Variants in ANK2 observed in about 807,000 individuals in gnomAD.
The protein encoded by ANK2 is ankyrin-2.
Under a neutral mutation model 360.5 loss-of-function variants are expected in ANK2, and 83 were observed. The ratio of observed to expected loss-of-function variants is 0.23; its 90% confidence interval spans 0.19 to 0.28. The LOEUF (loss-of-function observed/expected upper bound fraction) is 0.28. Among genes scored for constraint, ANK2 ranks in the 10% least tolerant of loss-of-function variants. ANK2 has a pLI of 1.00. For missense variants in ANK2, 4,201 were observed against 4,795.7 expected (o/e 0.88, Z 3.66); for synonymous variants, 1,740 against 1,759.5 (o/e 0.99, Z 0.28).
chr4:113,176,756 T>A (rs1562639047), intron 2 of ANK2, among the ~76,000 whole-genome samples: 2 of 152,212 alleles, frequency 1.3e-5, no homozygotes, highest in East Asian at 1.9e-4. Flanking sequence ...ATTAGGTGTA[T>A]CTCCTAACGC....
upstream of ANK2, among the ~76,000 whole-genome samples, chr4:113,048,266 A>G (rs1561688456): frequency 1.6e-4 from 13 of 82,772 alleles, no homozygotes; most frequent in African/African-American, 9.5e-4. Context: ...ATATATATAT[A>G]TATATATATA....
Position 113,154,432 on chromosome 4 carries a change from T to C in ANK2, c.85-19984T>C, listed in dbSNP as rs146801215. 6.7e-3 allele frequency among the ~76,000 whole-genome samples: 1,014 copies of C among 152,310 alleles called. 9 individuals are homozygous for C. The highest frequency in any genetic ancestry group is 0.011 in the Non-Finnish European group (772 of 68,022). ...GCAGTCAGCTTGAACAGCAAGATTG[T>C]TCTGAATGATCTGATCCTTCCTTGG... is the stretch of plus-strand genomic sequence containing the variant. On this transcript the variant is annotated intron_variant, in intron 1 of 45. Transcript: ENST00000357077.
At chr4:113,336,312 T>C in intron 30 of ANK2, 1 of 576,658 alleles carries the variant, frequency 1.7e-6, no homozygotes, top group South Asian at 2.5e-5. Flanking sequence ...AAAAAGAAAT[T>C]AGCTTTTAAA....
chr4:112,836,975 C>T (rs1362542919), intron 1 of ANK2, among the ~76,000 whole-genome samples: 1 of 152,176 alleles, frequency 6.6e-6, no homozygotes, highest in Non-Finnish European at 1.5e-5. Context: ...CATAAATTTG[C>T]ATAAGTAACA....
chr4:112,891,657 A>G (rs1474346517), intron 1 of ANK2, among the ~76,000 whole-genome samples: 1 of 152,210 alleles, frequency 6.6e-6, no homozygotes, highest in Admixed American at 6.5e-5. Context: ...ACTATGCCTC[A>G]GTTTCCCTGT....
intron 2 of ANK2, among the ~76,000 whole-genome samples, chr4:112,970,047 T>G (rs1020666469): frequency 7.9e-5 from 12 of 151,830 alleles, no homozygotes; most frequent in African/African-American, 2.9e-4. Flanking sequence ...GCGATGGTGC[T>G]ATCTCGGCTC....
At chr4:112,802,230 G>A in the ANK2 span, among the ~76,000 whole-genome samples, 3 of 152,094 alleles carry the variant, frequency 2.0e-5, no homozygotes, top group Admixed American at 2.0e-4. Flanking sequence ...AGGGAGATTG[G>A]AGGACACTGT....
chr4:113,063,214 A>C (rs565273869), intron 1 of ANK2, among the ~76,000 whole-genome samples: 24 of 152,196 alleles, frequency 1.6e-4, no homozygotes, highest in African/African-American at 5.8e-4. Flanking sequence ...GTTACCACCA[A>C]ATTTGTTATG....
At chr4:113,114,225 T>G (rs1323515859) in intron 1 of ANK2, among the ~76,000 whole-genome samples, 1 of 152,096 alleles carries the variant, frequency 6.6e-6, no homozygotes, top group Non-Finnish European at 1.5e-5. Flanking sequence ...CCCTGAACCT[T>G]GGCCCTCCTG....
intron 2 of ANK2, among the ~76,000 whole-genome samples, chr4:112,984,725 T>C (rs2044274893): frequency 6.6e-6 from 1 of 151,958 alleles, no homozygotes; most frequent in Admixed American, 6.6e-5. Context: ...TACCCAATCA[T>C]GAGAGGTTAT....
intron 4 of ANK2, among the ~76,000 whole-genome samples, chr4:113,230,530 T>C (rs939865451): frequency 6.6e-6 from 1 of 151,862 alleles, no homozygotes; most frequent in African/African-American, 2.4e-5. Flanking sequence ...AAAAAAAATG[T>C]TTTCTCCTCT....
At chr4:113,133,535 C>T (rs909137923) in intron 1 of ANK2, among the ~76,000 whole-genome samples, 19 of 151,976 alleles carry the variant, frequency 1.3e-4, no homozygotes, top group African/African-American at 3.9e-4. Context: ...CATGCCTTTT[C>T]GCTAAACCAT....
chr4:112,990,418 C>T (rs2046360687), intron 2 of ANK2, among the ~76,000 whole-genome samples: 1 of 152,066 alleles, frequency 6.6e-6, no homozygotes, highest in Admixed American at 6.5e-5. Context: ...GACACCCATT[C>T]TGAGTCTATT....
chr4:112,743,127 G>T, the ANK2 span, among the ~76,000 whole-genome samples: 1 of 152,172 alleles, frequency 6.6e-6, no homozygotes, highest in Non-Finnish European at 1.5e-5. Flanking sequence ...AGAGTTATTA[G>T]TGAAATAGCT....
the ANK2 span, among the ~76,000 whole-genome samples, chr4:112,743,309 T>C: frequency 1.3e-5 from 2 of 152,150 alleles, no homozygotes; most frequent in African/African-American, 4.8e-5. Context: ...CATATTTTCT[T>C]TCAGTTCTAC....
chr4:113,347,375 G>A (rs1410425358), intron 35 of ANK2, among the ~76,000 whole-genome samples: 5 of 152,154 alleles, frequency 3.3e-5, no homozygotes, highest in African/African-American at 9.7e-5. Flanking sequence ...TTTGGGGTTT[G>A]TATTGCTGAT....
chr4:113,166,388 A>C (rs746261783), intron 1 of ANK2, among the ~76,000 whole-genome samples: 5 of 152,060 alleles, frequency 3.3e-5, no homozygotes, highest in Non-Finnish European at 7.4e-5. Flanking sequence ...TCTTCAGTTT[A>C]ATAATTCTTC....
At chr4:112,811,530 T>A in the ANK2 span, among the ~76,000 whole-genome samples, 2 of 152,208 alleles carry the variant, frequency 1.3e-5, no homozygotes, top group South Asian at 2.1e-4. Context: ...AATTACTAGA[T>A]CTCTCTATTA....
At chr4:113,008,467 A>C (rs2053651890) in intron 2 of ANK2, among the ~76,000 whole-genome samples, 1 of 152,216 alleles carries the variant, frequency 6.6e-6, no homozygotes. Flanking sequence ...ACCCCTGGTT[A>C]TAAGCCAATA....
Sources: allele counts gnomAD v4.1 joint callset (sites outside exome capture counted in the v4.1 genomes callset), GRCh38; gene constraint gnomAD v4.1.1; transcripts MANE v1.5; gene names NCBI Gene and HGNC (gene_info 2026-07-23, HGNC 2026-07-21).